ZNF483: variants seen among roughly 807,000 people sequenced by gnomAD.
The protein encoded by ZNF483 is zinc finger protein HIT-10.
A neutral mutation model predicts 28.6 loss-of-function variants in ZNF483; 9 were observed. The ratio of observed to expected loss-of-function variants is 0.32; its 90% CI spans 0.19 to 0.55. The LOEUF (loss-of-function observed/expected upper bound fraction) is 0.55. Ranked by LOEUF, ZNF483 falls within the 20% of genes least tolerant of loss-of-function variation. ZNF483 has a pLI of 0.93. For missense variants in ZNF483, 675 were observed against 871.7 expected, an observed-to-expected ratio of 0.77 and a Z score of 2.84; for synonymous variants, 322 against 306.2, an observed-to-expected ratio of 1.05 and a Z score of -0.54.
intron 5 of ZNF483, among the ~76,000 whole-genome samples, chr9:111,569,548 C>T (rs577931360): frequency 4.2e-4 from 64 of 152,196 alleles, no homozygotes; most frequent in African/African-American, 1.5e-3. Context: ...GAGACTGAGG[C>T]GGGCGCATCA....
chr9:111,532,492 A>G (rs1036021352), intron 3 of ZNF483, among the ~76,000 whole-genome samples: 1 of 152,148 alleles, frequency 6.6e-6, no homozygotes, highest in Non-Finnish European at 1.5e-5. Context: ...CCGTAAGACA[A>G]GGAACTGTGG....
In ZNF483 at chr9:111,543,103, A is replaced by T; in HGVS notation, c.2168A>T (p.Glu723Val). 2 of 1,614,046 alleles carry T rather than the reference A, an allele frequency of 1.2e-6. No homozygotes were observed. The highest frequency in any genetic ancestry group is 2.7e-5 in the African/African-American group (2 of 75,040). The change falls in exon 6 of 6, where the codon GAA becomes GTA. Residue 723 changes from glutamate (E) to valine (V), a missense_variant. Around this residue, in one of 6 missense-constraint regions of ZNF483, gnomAD observed 55 missense variants for 72.4 expected, o/e 0.76. Transcript: ENST00000309235. ...HTGRREYECN[E>V]CEKTFKSNSG... ...GGAAGGAGAGAATATGAATGTAACG[A>T]ATGTGAGAAGACATTTAAAAGTAAT...
At chr9:111,526,273 G>A (rs1372234602) in intron 1 of ZNF483, among the ~76,000 whole-genome samples, 2 of 152,088 alleles carry the variant, frequency 1.3e-5, no homozygotes, top group Non-Finnish European at 2.9e-5. Context: ...AGAGAGAGAG[G>A]AGATACTAAT....
chr9:111,570,467 G>T (rs1252879749), intron 5 of ZNF483, among the ~76,000 whole-genome samples: 1 of 152,096 alleles, frequency 6.6e-6, no homozygotes, highest in Non-Finnish European at 1.5e-5. Flanking sequence ...AAAGGACTTT[G>T]CAGATATGAT....
At position 111,527,369 on chromosome 9, in the gene ZNF483, G is replaced by A; in HGVS notation, c.-27G>A. On this transcript the variant is annotated 5_prime_UTR_variant, in exon 2 of 6. Coordinates refer to ENST00000309235, the MANE Select transcript of ZNF483 (RefSeq NM_133464.5). ...ACTGATACTCAACTAGAGTGTGAAG[G>A]GACTGGATTCCTGCCCCTGAGACAC... is the stretch of plus-strand genomic sequence containing the variant. The A allele has an allele frequency of 6.2e-7, 1 of 1,605,724 alleles. No individual in the cohort carries two copies. The highest frequency in any genetic ancestry group is 8.5e-7 in the Non-Finnish European group (1 of 1,176,334).
rs1828377820 is a variant in ZNF483, at chr9:111,563,013, T to C, written c.722-13352T>C. The C allele has an allele frequency of 2.0e-6, 3 of 1,467,850 alleles. No homozygotes were observed. The South Asian group carries it at 4.3e-5, about 21-fold the overall frequency. The allele number at this position is 1,467,850 out of a possible 1,614,324, so 90.9% of individuals were successfully genotyped here. ...TTTATTAAGTAGCTCAAACTCATTA[T>C]GAGTACTATTTCTTAAGACATTTAA... is the stretch of plus-strand genomic sequence containing the variant. On this transcript the variant is annotated intron_variant, in intron 5 of 5. Coordinates refer to the ZNF483 transcript ENST00000358151.
At position 111,548,518 on chromosome 9, in the gene ZNF483, T is replaced by G. The variant is rs1827855638; in HGVS notation, c.*5348T>G. On this transcript the variant is annotated 3_prime_UTR_variant, in exon 6 of 6. Transcript: ENST00000309235. ...TCATAATAGTTTCTTGTGAAATTTT[T>G]GGGATTTTTAAATATAAGATTATGG... 6.6e-6 allele frequency among the ~76,000 whole-genome samples: 1 copy of G among 152,214 alleles called. No homozygotes were observed. The highest frequency in any genetic ancestry group is 2.4e-5 in the African/African-American group (1 of 41,456).
chr9:111,568,377 G>A (rs1444723128), intron 5 of ZNF483, among the ~76,000 whole-genome samples: 2 of 152,152 alleles, frequency 1.3e-5, no homozygotes, highest in East Asian at 1.9e-4. Flanking sequence ...GTACCCTCAG[G>A]CTTATTAGGG....
At chr9:111,538,037 G>T (rs113989274) in intron 5 of ZNF483, among the ~76,000 whole-genome samples, 6,605 of 152,052 alleles carry the variant, frequency 0.043, 193 homozygotes, top group Non-Finnish European at 0.066. Context: ...ATTTTAACTT[G>T]ATAATTTGTG....
At chr9:111,570,342 C>T in intron 5 of ZNF483, 2 of 1,393,114 alleles carry the variant, frequency 1.4e-6, no homozygotes, top group African/African-American at 1.5e-5. Flanking sequence ...TTTCCTCACT[C>T]CTTTCTGATC....
In ZNF483 at chr9:111,555,001, C is replaced by T. The variant is rs1341719689; in HGVS notation, c.*11831C>T. 1.3e-5 allele frequency among the ~76,000 whole-genome samples: 2 copies of T among 152,110 alleles called. No individual in the cohort carries two copies. Among genetic ancestry groups the T allele is most frequent in the African/African-American group, 2.4e-5 (1 of 41,394 alleles). On this transcript the variant is annotated 3_prime_UTR_variant, in exon 6 of 6. Coordinates refer to ENST00000309235, the MANE Select transcript of ZNF483 (RefSeq NM_133464.5). ...TCTCCAGAGGTCTGCTCTTTAATTT[C>T]CCCAGAGAAGGATGTTCTAGTCAGC...
At chr9:111,563,188 T>C in intron 5 of ZNF483, 3 of 1,614,000 alleles carry the variant, frequency 1.9e-6, no homozygotes, top group Non-Finnish European at 2.5e-6. Flanking sequence ...AGCTGGCATG[T>C]TTTCAAATCC....
intron 5 of ZNF483, among the ~76,000 whole-genome samples, chr9:111,569,380 A>G (rs535107373): frequency 6.6e-5 from 10 of 152,340 alleles, no homozygotes; most frequent in Admixed American, 3.9e-4. Context: ...GGAAGAAAGC[A>G]TATCAAGGAG....
intron 2 of ZNF483, among the ~76,000 whole-genome samples, chr9:111,530,238 A>T (rs1827287312): frequency 6.6e-6 from 1 of 152,160 alleles, no homozygotes; most frequent in Admixed American, 6.5e-5. Context: ...ACAGCTCATG[A>T]GAGTTTCCAG....
chr9:111,541,444 C>T (rs553101567), intron 5 of ZNF483, among the ~76,000 whole-genome samples: 2 of 152,248 alleles, frequency 1.3e-5, no homozygotes, highest in African/African-American at 2.4e-5. Flanking sequence ...AACTATAAAG[C>T]ACAAACTTTT....
intron 5 of ZNF483, among the ~76,000 whole-genome samples, chr9:111,535,796 C>T (rs1348478569): frequency 6.6e-6 from 1 of 152,096 alleles, no homozygotes; most frequent in Non-Finnish European, 1.5e-5. Flanking sequence ...CTTCCTACCT[C>T]GGCTTCCCGA....
chr9:111,530,599 A>T (rs1827301255), intron 2 of ZNF483, among the ~76,000 whole-genome samples: 1 of 151,196 alleles, frequency 6.6e-6, no homozygotes, highest in Non-Finnish European at 1.5e-5. Flanking sequence ...GAAATGAATT[A>T]GAGGACACCC....
At position 111,542,430 on chromosome 9, in the gene ZNF483, G is replaced by C. The variant is rs1235188106; in HGVS notation, c.1495G>C (p.Asp499His). ...TGGAGAGAAACCCTTCAAATGTGAT[G>C]ACTGTGGGAAAGGTTTCACCCTAAG... ...HSGEKPFKCDDCGKGFTLSAH... is the reference protein window; with the variant it reads ...HSGEKPFKCDHCGKGFTLSAH... The change falls in exon 6 of 6, where the codon GAC (aspartate) becomes CAC (histidine). Residue 499 changes from aspartate to histidine, a missense_variant. Physicochemically the swap from Asp to His is moderately conservative, Grantham distance 81. This residue lies in a region of ZNF483 where 525 missense variants were observed against 581.8 expected (regional missense o/e 0.90). Transcript: ENST00000309235. The surrounding 1 kb of genome is among the most constrained non-coding windows in gnomAD (Gnocchi z 6.2). 1.2e-6 allele frequency: 2 copies of C among 1,614,020 alleles called. No individual in the cohort carries two copies. Among genetic ancestry groups the C allele is most frequent in the East Asian group, 4.5e-5 (2 of 44,896 alleles).
rs563693084 is a variant in ZNF483 at position 111,547,829 on chromosome 9, C to T, written c.*4659C>T. ...TTATGTATGGTAAAGGGTCCATCTTCATTCTTTTGCATGCGAATATCCAGT... is the reference window on the plus strand; with the variant it reads ...TTATGTATGGTAAAGGGTCCATCTTTATTCTTTTGCATGCGAATATCCAGT... On this transcript the variant is annotated 3_prime_UTR_variant, in exon 6 of 6. Transcript: ENST00000309235. Among the ~76,000 whole-genome samples the T allele has an allele frequency of 6.6e-6, 1 of 152,220 alleles. No homozygotes were observed. The highest frequency in any genetic ancestry group is 2.1e-4 in the South Asian group (1 of 4,820).
Sources: gnomAD v4.1 joint callset for allele counts (sites outside exome capture counted in the v4.1 genomes callset) on GRCh38, gnomAD v4.1.1 for gene constraint, gnomAD v4.1.1 regional missense constraint, Gnocchi (gnomAD v3.1) non-coding constraint, MANE v1.5 for transcripts, NCBI Gene and HGNC (gene_info 2026-07-23, HGNC 2026-07-21) for gene names.